The following CDH13 variants were observed in gnomAD, a reference collection of about 807,000 sequenced individuals.
The protein encoded by CDH13 is cadherin-13.
In CDH13, 24 loss-of-function variants were observed where a neutral mutation model predicts 63.8. The ratio of observed to expected loss-of-function variants is 0.38; its 90% CI spans 0.27 to 0.53. CDH13 has a LOEUF of 0.53. Ranked by LOEUF, CDH13 falls within the 20% of genes least tolerant of loss-of-function variation. CDH13 has a pLI of 0.85. For missense variants in CDH13, 1,049 were observed against 903.1 expected, an observed-to-expected ratio of 1.16 and a Z score of -2.07; for synonymous variants, 503 against 355.3, an observed-to-expected ratio of 1.42 and a Z score of -4.67.
At chr16:83,269,046 C>T (rs560640394) in intron 5 of CDH13, among the ~76,000 whole-genome samples, 18 of 152,314 alleles carry the variant, frequency 1.2e-4, no homozygotes, top group East Asian at 1.9e-4. Context: ...TCTGTAAAGA[C>T]GCTTTTACTG....
chr16:82,909,280 G>GTGTGTGTGTGTT (rs1451188792), intron 2 of CDH13, among the ~76,000 whole-genome samples: 1 of 150,904 alleles, frequency 6.6e-6, no homozygotes, highest in African/African-American at 2.5e-5. Flanking sequence ...GTGTGTGTGT[G>GTGTGTGTGTGTT]TGTGTGTGTG....
intron 1 of CDH13, among the ~76,000 whole-genome samples, chr16:82,678,451 G>A (rs1914184702): frequency 6.6e-6 from 1 of 151,830 alleles, no homozygotes; most frequent in Non-Finnish European, 1.5e-5. Context: ...CTTCTTAAGG[G>A]CAAGGAATAG....
intron 7 of CDH13, among the ~76,000 whole-genome samples, chr16:83,572,406 G>T (rs1211785890): frequency 6.6e-6 from 1 of 152,092 alleles, no homozygotes; most frequent in Non-Finnish European, 1.5e-5. Flanking sequence ...CTCACAAAAT[G>T]TTGGGATTAC....
chr16:83,296,807 C>CG (rs1567572228), intron 5 of CDH13, among the ~76,000 whole-genome samples: 1 of 152,096 alleles, frequency 6.6e-6, no homozygotes, highest in Non-Finnish European at 1.5e-5. Flanking sequence ...CCCAATAACA[C>CG]GGGTTTATGT....
chr16:83,356,127 G>A (rs994799789), intron 6 of CDH13, among the ~76,000 whole-genome samples: 2 of 152,050 alleles, frequency 1.3e-5, no homozygotes, highest in African/African-American at 2.4e-5. Flanking sequence ...TTTCACCCGT[G>A]ATGATGTTGC....
chr16:82,942,154 A>G (rs1395259180), intron 2 of CDH13, among the ~76,000 whole-genome samples: 1 of 152,100 alleles, frequency 6.6e-6, no homozygotes, highest in African/African-American at 2.4e-5. Flanking sequence ...AGGTTTTCTA[A>G]AAGCTTGCTT....
intron 6 of CDH13, among the ~76,000 whole-genome samples, chr16:83,385,043 C>T (rs540321736): frequency 6.7e-4 from 102 of 152,316 alleles, no homozygotes; most frequent in African/African-American, 2.5e-3. Context: ...GCACAGGTGG[C>T]CCCTACTGTC....
chr16:83,094,928 A>G (rs1597325279), intron 3 of CDH13, among the ~76,000 whole-genome samples: 2 of 152,164 alleles, frequency 1.3e-5, no homozygotes, highest in African/African-American at 2.4e-5. Context: ...AACCGGTTTG[A>G]TGATGATCAT....
rs1407022987 is a variant in CDH13 at position 83,076,958 on chromosome 16, C to G, written c.366+44740C>G. ...GCCAACTGAATACAACTGTGCAACC[C>G]AAACCCCCATCAAGATAGAAACCAT... On this transcript the variant is annotated intron_variant, in intron 3 of 13. Transcript: ENST00000567109. 1.3e-5 allele frequency among the ~76,000 whole-genome samples: 2 copies of G among 151,976 alleles called. 1 individual carries two copies. The highest frequency in any genetic ancestry group is 4.1e-4 in the South Asian group (2 of 4,824).
intron 2 of CDH13, among the ~76,000 whole-genome samples, chr16:82,875,797 A>G (rs2040486092): frequency 6.6e-6 from 1 of 152,202 alleles, no homozygotes; most frequent in South Asian, 2.1e-4. Flanking sequence ...GAGTGTTAGA[A>G]TAAGTTTGCT....
chr16:83,751,867 T>C (rs1444283269), intron 11 of CDH13, among the ~76,000 whole-genome samples: 1 of 152,232 alleles, frequency 6.6e-6, no homozygotes, highest in Non-Finnish European at 1.5e-5. Context: ...TGGTCCTTCT[T>C]GTTTTCGGAG....
chr16:83,764,410 C>A (rs1914220301), intron 11 of CDH13, among the ~76,000 whole-genome samples: 1 of 152,196 alleles, frequency 6.6e-6, no homozygotes. Context: ...CTATCTTAAA[C>A]AGAACATTTT....
intron 6 of CDH13, among the ~76,000 whole-genome samples, chr16:83,346,566 G>A (rs760843256): frequency 2.0e-5 from 3 of 152,154 alleles, no homozygotes; most frequent in Admixed American, 6.5e-5. Flanking sequence ...GCTTACATTC[G>A]GGATGGCTGT....
chr16:82,973,479 C>A (rs1455975631), intron 2 of CDH13, among the ~76,000 whole-genome samples: 2 of 152,184 alleles, frequency 1.3e-5, no homozygotes, highest in African/African-American at 2.4e-5. Flanking sequence ...ATATTAGGCA[C>A]CTACTGTGAG....
intron 2 of CDH13, among the ~76,000 whole-genome samples, chr16:82,998,417 C>T (rs1023477480): frequency 2.0e-5 from 3 of 152,068 alleles, no homozygotes; most frequent in Admixed American, 6.6e-5. Flanking sequence ...TTTGTTTTGT[C>T]CTGTTTTTTT....
chr16:82,789,358 T>C (rs1020422838), intron 1 of CDH13, among the ~76,000 whole-genome samples: 4 of 152,178 alleles, frequency 2.6e-5, no homozygotes, highest in Non-Finnish European at 4.4e-5. Flanking sequence ...CTGAGAGATA[T>C]AAAGAGGCTG....
At chr16:82,979,749 A>G (rs1910012006) in intron 2 of CDH13, among the ~76,000 whole-genome samples, 2 of 152,190 alleles carry the variant, frequency 1.3e-5, no homozygotes, top group African/African-American at 4.8e-5. Context: ...ACAGACCAAC[A>G]AGGAGTATGT....
At chr16:83,719,007 G>A (rs1909317900) in intron 10 of CDH13, among the ~76,000 whole-genome samples, 1 of 152,182 alleles carries the variant, frequency 6.6e-6, no homozygotes, top group Non-Finnish European at 1.5e-5. Context: ...AGGAATGCAG[G>A]TGCTGACAGG....
chr16:82,731,329 A>G (rs542850632), intron 1 of CDH13, among the ~76,000 whole-genome samples: 21 of 152,350 alleles, frequency 1.4e-4, no homozygotes, highest in South Asian at 4.1e-4. Flanking sequence ...CTGTGTTTCA[A>G]TAAAACTTTA....
Sources: allele counts gnomAD v4.1 joint callset (sites outside exome capture counted in the v4.1 genomes callset), GRCh38; gene constraint gnomAD v4.1.1; transcripts MANE v1.5; gene names NCBI Gene and HGNC (gene_info 2026-07-23, HGNC 2026-07-21).